Variants in MAP2 observed in about 807,000 individuals in gnomAD.
MAP2 encodes the protein microtubule-associated protein 2.
A neutral mutation model predicts 137.6 loss-of-function variants in MAP2; 14 were observed. The observed-to-expected ratio is 0.10, with a 90% CI of 0.07 to 0.16. The LOEUF is 0.16. Among genes scored for constraint, MAP2 ranks in the 10% least tolerant of loss-of-function variants. The probability of loss-of-function intolerance (pLI) is 1.00; values close to 1 mark genes in which losing one functional copy is unlikely to be tolerated. For missense variants in MAP2, 2,088 were observed against 2,191.5 expected (o/e 0.95, Z 0.94); for synonymous variants, 786 against 782.3 (o/e 1.00, Z -0.08).
chr2:209,491,588 A>G (rs2059124985), intron 1 of MAP2, among the ~76,000 whole-genome samples: 1 of 152,104 alleles, frequency 6.6e-6, no homozygotes, highest in South Asian at 2.1e-4. Flanking sequence ...TCAAATAGAC[A>G]CAATAAAAAT....
intron 2 of MAP2, among the ~76,000 whole-genome samples, chr2:209,559,351 C>T (rs1307531978): frequency 6.6e-6 from 1 of 151,560 alleles, no homozygotes; most frequent in African/African-American, 2.4e-5. Flanking sequence ...TTTGGCCATT[C>T]CACTGGGCGT....
intron 2 of MAP2, among the ~76,000 whole-genome samples, chr2:209,525,981 C>CT (rs201991224): frequency 1.5e-3 from 222 of 151,770 alleles, no homozygotes; most frequent in Non-Finnish European, 2.2e-3. Flanking sequence ...CATTCTGTTT[C>CT]TTTTTTTTCT....
rs189707302 is a variant in MAP2 at position 209,622,064 on chromosome 2, C to G, written c.-106-2989C>G. ...ATAATTGTTAAGCAGTTGACTTTGT[C>G]ATGTGTTGTAAGTCATGATTCTCAA... On this transcript the variant is annotated intron_variant, in intron 3 of 15. Transcript: ENST00000682079. Among the ~76,000 whole-genome samples, 8 of 152,218 alleles carry G rather than the reference C, an allele frequency of 5.3e-5. No homozygotes were observed. In the East Asian group the frequency reaches 1.4e-3, roughly 26 times the overall value.
intron 2 of MAP2, among the ~76,000 whole-genome samples, chr2:209,529,040 C>T (rs2064676727): frequency 6.6e-6 from 1 of 151,702 alleles, no homozygotes; most frequent in Non-Finnish European, 1.5e-5. Context: ...ATTATAGTTC[C>T]TTAAGAACTT....
intron 1 of MAP2, among the ~76,000 whole-genome samples, chr2:209,470,337 C>T (rs955001244): frequency 1.6e-4 from 25 of 152,156 alleles, no homozygotes; most frequent in African/African-American, 5.8e-4. Flanking sequence ...TTTATCTAGC[C>T]AAGCGTATTA....
intron 2 of MAP2, among the ~76,000 whole-genome samples, chr2:209,510,117 TG>T (rs1398418657): frequency 1.3e-5 from 2 of 151,940 alleles, no homozygotes; most frequent in African/African-American, 4.8e-5. Context: ...CCACAATTTT[TG>T]CCTTTTTAAA....
At chr2:209,553,633 T>A (rs547866593) in intron 2 of MAP2, among the ~76,000 whole-genome samples, 6 of 152,338 alleles carry the variant, frequency 3.9e-5, no homozygotes, top group Admixed American at 3.3e-4. Context: ...AACTTCTCAG[T>A]TGAAGTCCAA....
chr2:209,509,290 T>C (rs1257787314), intron 2 of MAP2, among the ~76,000 whole-genome samples: 1 of 151,982 alleles, frequency 6.6e-6, no homozygotes, highest in Non-Finnish European at 1.5e-5. Context: ...TCTGATCCCC[T>C]AACCATCTTC....
At chr2:209,588,799 C>G (rs570262774) in intron 3 of MAP2, among the ~76,000 whole-genome samples, 1 of 151,744 alleles carries the variant, frequency 6.6e-6, no homozygotes, top group Non-Finnish European at 1.5e-5. Context: ...AAAAAAAAAC[C>G]TAAGTAGACT....
chr2:209,529,332 T>C (rs1185715602), intron 2 of MAP2, among the ~76,000 whole-genome samples: 1 of 152,156 alleles, frequency 6.6e-6, no homozygotes, highest in Non-Finnish European at 1.5e-5. Flanking sequence ...AAAACCGACT[T>C]ATAGTTAATG....
chr2:209,550,949 A>C (rs1196656974), intron 2 of MAP2, among the ~76,000 whole-genome samples: 1 of 152,116 alleles, frequency 6.6e-6, no homozygotes, highest in African/African-American at 2.4e-5. Context: ...AGTCACATTG[A>C]GGAGGTCACC....
intron 11 of MAP2, chr2:209,704,696 G>A: frequency 7.5e-7 from 1 of 1,330,598 alleles, no homozygotes; most frequent in African/African-American, 1.5e-5. Context: ...ACCTAATTCA[G>A]GAAATGTATG....
chr2:209,597,873 C>T (rs916555113), intron 3 of MAP2, among the ~76,000 whole-genome samples: 11 of 152,288 alleles, frequency 7.2e-5, no homozygotes, highest in African/African-American at 2.6e-4. Flanking sequence ...CTCTCATCCT[C>T]TGTTCTGATT....
At chr2:209,633,842 A>G (rs1054011213) in intron 4 of MAP2, among the ~76,000 whole-genome samples, 2 of 152,168 alleles carry the variant, frequency 1.3e-5, no homozygotes, top group African/African-American at 2.4e-5. Context: ...GGTGACGACA[A>G]TGAGGGCAAA....
At chr2:209,465,020 C>A (rs542823513) in intron 1 of MAP2, among the ~76,000 whole-genome samples, 1 of 152,028 alleles carries the variant, frequency 6.6e-6, no homozygotes, top group Non-Finnish European at 1.5e-5. Flanking sequence ...CAATGCTGCA[C>A]GCATCATATC....
At chr2:209,534,868 C>T (rs1304625374) in intron 2 of MAP2, among the ~76,000 whole-genome samples, 1 of 152,078 alleles carries the variant, frequency 6.6e-6, no homozygotes. Flanking sequence ...GCCATCATCC[C>T]AAAAATGGAA....
intron 4 of MAP2, among the ~76,000 whole-genome samples, chr2:209,643,816 G>T (rs2094211996): frequency 6.6e-6 from 1 of 152,148 alleles, no homozygotes; most frequent in Non-Finnish European, 1.5e-5. Flanking sequence ...TCTATCTTGT[G>T]ATTTAACTCC....
At chr2:209,466,620 CTTAA>C (rs1348846599) in intron 1 of MAP2, among the ~76,000 whole-genome samples, 3 of 152,104 alleles carry the variant, frequency 2.0e-5, no homozygotes, top group African/African-American at 7.2e-5. Context: ...TGAATGGCAA[CTTAA>C]TTAAGAGGTA....
At chr2:209,435,292 A>G (rs1695643097) in intron 1 of MAP2, among the ~76,000 whole-genome samples, 1 of 151,776 alleles carries the variant, frequency 6.6e-6, no homozygotes. Context: ...AGTATGTCTT[A>G]TAAGTGCCAG....
Sources: gnomAD v4.1 joint callset for allele counts (sites outside exome capture counted in the v4.1 genomes callset) on GRCh38, gnomAD v4.1.1 for gene constraint, MANE v1.5 for transcripts, NCBI Gene and HGNC (gene_info 2026-07-23, HGNC 2026-07-21) for gene names.